FNBP1: variants seen among roughly 807,000 people sequenced by gnomAD.
FNBP1 encodes formin-binding protein 1.
A neutral mutation model predicts 90.6 loss-of-function variants in FNBP1; 26 were observed. That is an observed-to-expected ratio of 0.29 (90% CI 0.21 to 0.40). The LOEUF (loss-of-function observed/expected upper bound fraction) is 0.40, where lower values mean the gene tolerates loss of function less well. FNBP1 is among the 10% of genes least tolerant of loss of function. The pLI, the probability that FNBP1 is intolerant of heterozygous loss-of-function variation, is 1.00. For missense variants in FNBP1, 635 were observed against 768.0 expected (o/e 0.83, Z 2.05); for synonymous variants, 260 against 265.2 (o/e 0.98, Z 0.19).
At chr9:130,005,571 G>A (rs565796690) in intron 1 of FNBP1, among the ~76,000 whole-genome samples, 8 of 152,136 alleles carry the variant, frequency 5.3e-5, no homozygotes, top group East Asian at 1.9e-4. Context: ...TTGATCTCCC[G>A]ACCTTGTGAT....
chr9:129,916,226 A>G (rs557567324), intron 10 of FNBP1: 1 of 547,496 alleles, frequency 1.8e-6, no homozygotes, highest in African/African-American at 1.9e-5. Context: ...AAGATCAGAT[A>G]GAAAAGGAGG....
intron 6 of FNBP1, among the ~76,000 whole-genome samples, chr9:129,938,375 T>G (rs1202954418): frequency 1.3e-5 from 2 of 152,252 alleles, no homozygotes; most frequent in East Asian, 3.9e-4. Context: ...CCTTTTCAGA[T>G]AGAGTGCTGT....
chr9:129,930,422 A>G (rs2042565236), intron 6 of FNBP1, among the ~76,000 whole-genome samples: 1 of 152,198 alleles, frequency 6.6e-6, no homozygotes, highest in Admixed American at 6.5e-5. Context: ...AAAAAGGCAT[A>G]TGAACCACTG....
At chr9:129,991,669 T>C (rs575805843) in intron 2 of FNBP1, among the ~76,000 whole-genome samples, 1 of 151,560 alleles carries the variant, frequency 6.6e-6, no homozygotes, top group African/African-American at 2.4e-5. Context: ...CTTTTTTTTT[T>C]TTTTCTTTGA....
intron 10 of FNBP1, chr9:129,916,278 T>C (rs992484175): frequency 3.2e-5 from 11 of 348,828 alleles, no homozygotes; most frequent in Non-Finnish European, 5.3e-5. Context: ...AGCCTAGATG[T>C]AAATTAAAGT....
intron 12 of FNBP1, among the ~76,000 whole-genome samples, chr9:129,907,837 T>G (rs555040065): frequency 1.4e-4 from 21 of 152,178 alleles, no homozygotes; most frequent in African/African-American, 4.8e-4. Context: ...CATGCCATTC[T>G]CCTGTCTCAG....
chr9:129,975,182 G>C (rs2050118763), intron 4 of FNBP1, among the ~76,000 whole-genome samples: 1 of 152,220 alleles, frequency 6.6e-6, no homozygotes, highest in Non-Finnish European at 1.5e-5. Flanking sequence ...TTGTGCAACT[G>C]CACTCCAGCC....
At chr9:129,931,093 C>A (rs2042666239) in intron 6 of FNBP1, among the ~76,000 whole-genome samples, 1 of 152,034 alleles carries the variant, frequency 6.6e-6, no homozygotes, top group African/African-American at 2.4e-5. Context: ...TGCTTGAGCC[C>A]AGGAAACTGA....
intron 1 of FNBP1, among the ~76,000 whole-genome samples, chr9:130,040,486 T>C (rs2059722736): frequency 2.0e-5 from 3 of 152,084 alleles, no homozygotes; most frequent in Non-Finnish European, 4.4e-5. Context: ...CTGGGCATGG[T>C]GGCAGGCGCG....
intron 12 of FNBP1, among the ~76,000 whole-genome samples, 157 bp downstream of exon 12, chr9:129,908,733 A>G (rs546518424): frequency 6.6e-6 from 1 of 150,558 alleles, no homozygotes; most frequent in South Asian, 2.1e-4. Flanking sequence ...TTATATTTTT[A>G]GTAGAGACGG....
chr9:129,906,533 C>T (rs561266521), intron 12 of FNBP1, among the ~76,000 whole-genome samples: 32 of 152,292 alleles, frequency 2.1e-4, no homozygotes, highest in Middle Eastern at 6.8e-3. Context: ...ACAAGCTCTG[C>T]CGAATGCCAC....
intron 11 of FNBP1, chr9:129,910,149 T>C (rs573492364): frequency 2.2e-5 from 10 of 456,264 alleles, no homozygotes; most frequent in African/African-American, 2.0e-4. Context: ...AATTGTGATG[T>C]CAAGTGCTTT....
At chr9:130,032,099 A>C (rs956031162) in intron 1 of FNBP1, among the ~76,000 whole-genome samples, 2 of 152,144 alleles carry the variant, frequency 1.3e-5, no homozygotes, top group Non-Finnish European at 2.9e-5. Flanking sequence ...GGGAGACTTC[A>C]CACGTACACC....
chr9:129,939,370 C>T (rs1241862949), intron 6 of FNBP1, among the ~76,000 whole-genome samples: 1 of 150,374 alleles, frequency 6.7e-6, no homozygotes, highest in African/African-American at 2.5e-5. Flanking sequence ...GCCTGGGCAA[C>T]AAGAGCAAGC....
In FNBP1 at chr9:130,010,646, G is replaced by T. The variant is rs535283514; in HGVS notation, c.25-15688C>A. Among the ~76,000 whole-genome samples, 17 of 152,148 alleles carry T rather than the reference G, an allele frequency of 1.1e-4. No individual in the cohort carries two copies. In the South Asian group the frequency reaches 3.3e-3, roughly 30 times the overall value. The stretch of plus-strand genomic sequence containing the variant: ...GATGGAAAGCACCTGGCTTTTTGAT[G>T]ACAATTTCTCAGCTATTACTGAACT... On this transcript the variant is annotated intron_variant, in intron 1 of 16. Transcript: ENST00000446176.
At chr9:130,039,757 T>C (rs1447742964) in intron 1 of FNBP1, among the ~76,000 whole-genome samples, 1 of 152,094 alleles carries the variant, frequency 6.6e-6, no homozygotes, top group Non-Finnish European at 1.5e-5. Context: ...AGAAAGGTTT[T>C]ACTCCCTCTA....
Position 129,890,627 on chromosome 9 carries a change from G to A in FNBP1, c.1847-81C>T. 1.1e-6 allele frequency: 1 copy of A among 923,332 alleles called. No homozygotes were observed. Among genetic ancestry groups the A allele is most frequent in the Non-Finnish European group, 1.6e-6 (1 of 628,218 alleles). 57.2% of individuals were successfully genotyped at this position (923,332 alleles called of 1,614,324 possible). On this transcript the variant is annotated intron_variant, in intron 16 of 16. Coordinates refer to ENST00000446176, the MANE Select transcript of FNBP1 (RefSeq NM_015033.3). This position sits in a 1 kb window ranked among gnomAD's most constrained non-coding sequence, Gnocchi z 5.8. ...GTTCCAGGCGGGCATTTTGCTCTTGGCTACAAACTGCACCGCCCTGGGAGG... is the reference window on the plus strand; with the variant it reads ...GTTCCAGGCGGGCATTTTGCTCTTGACTACAAACTGCACCGCCCTGGGAGG...
At chr9:130,013,727 T>C (rs1243383141) in intron 1 of FNBP1, 10 of 456,666 alleles carry the variant, frequency 2.2e-5, no homozygotes, top group Non-Finnish European at 3.5e-5. Flanking sequence ...AAAGTTCATG[T>C]GTCAGAAACT....
At chr9:130,012,509 T>C (rs568196822) in intron 1 of FNBP1, among the ~76,000 whole-genome samples, 5 of 152,172 alleles carry the variant, frequency 3.3e-5, no homozygotes, top group African/African-American at 1.2e-4. Context: ...TTTAAAAATA[T>C]ACAAAAACTT....
Sources: gnomAD v4.1 joint callset for allele counts (sites outside exome capture counted in the v4.1 genomes callset) on GRCh38, gnomAD v4.1.1 for gene constraint, Gnocchi (gnomAD v3.1) non-coding constraint, MANE v1.5 for transcripts, NCBI Gene and HGNC (gene_info 2026-07-23, HGNC 2026-07-21) for gene names.